NFIB: variants seen among roughly 807,000 people sequenced by gnomAD.
NFIB encodes the protein nuclear factor 1 B-type.
NFIB carries 11 observed loss-of-function variants against 61.5 expected under a neutral mutation model. The observed-to-expected ratio is 0.18, with a 90% CI of 0.11 to 0.30. NFIB has a LOEUF of 0.30. Ranked by LOEUF, NFIB falls within the 10% of genes least tolerant of loss-of-function variation. The probability of loss-of-function intolerance (pLI) is 1.00; values close to 1 mark genes in which losing one functional copy is unlikely to be tolerated. For synonymous variants in NFIB, 260 were observed against 216.5 expected (o/e 1.20, Z -1.76); for missense variants, 471 against 608.9 (o/e 0.77, Z 2.38).
At chr9:14,515,155 G>C in the NFIB span, among the ~76,000 whole-genome samples, 27 of 152,140 alleles carry the variant, frequency 1.8e-4, no homozygotes, top group African/African-American at 6.3e-4. Context: ...TAGCCAGAAG[G>C]ATAGAACTGG....
At chr9:14,410,054 AG>A in the NFIB span, among the ~76,000 whole-genome samples, 1 of 152,082 alleles carries the variant, frequency 6.6e-6, no homozygotes, top group Non-Finnish European at 1.5e-5. Flanking sequence ...CTAGGGATAT[AG>A]GGGGTGAGGG....
the NFIB span, among the ~76,000 whole-genome samples, chr9:14,432,703 A>G: frequency 6.6e-6 from 1 of 152,210 alleles, no homozygotes; most frequent in African/African-American, 2.4e-5. Flanking sequence ...GCAAGGGGTG[A>G]GGACTGGGGA....
chr9:14,203,178 T>A (rs952411364), intron 2 of NFIB, among the ~76,000 whole-genome samples: 2 of 150,620 alleles, frequency 1.3e-5, no homozygotes, highest in African/African-American at 4.9e-5. Flanking sequence ...TTTTTTTTCC[T>A]AAAGCAATTG....
chr9:14,523,499 C>T, the NFIB span, among the ~76,000 whole-genome samples: 3 of 152,010 alleles, frequency 2.0e-5, no homozygotes, highest in Admixed American at 2.0e-4. Context: ...AAAATGCCAG[C>T]CCATGCCAGA....
chr9:14,414,336 G>A, the NFIB span, among the ~76,000 whole-genome samples: 2 of 151,008 alleles, frequency 1.3e-5, no homozygotes, highest in African/African-American at 4.9e-5. Context: ...TCGGGAGGCT[G>A]AGGCAGGAGA....
chr9:14,271,659 G>C (rs950244507), intron 2 of NFIB, among the ~76,000 whole-genome samples: 2 of 152,176 alleles, frequency 1.3e-5, no homozygotes, highest in African/African-American at 4.8e-5. Flanking sequence ...AGAGGGATGA[G>C]GTGGTTGGCC....
In NFIB at chr9:14,383,929, C is replaced by T. The variant is rs532480754; in HGVS notation, c.108+14595G>A. 2.0e-5 allele frequency among the ~76,000 whole-genome samples: 3 copies of T among 152,280 alleles called. No homozygotes were observed. In the South Asian group the frequency reaches 6.2e-4, roughly 32 times the overall value. On this transcript the variant is annotated intron_variant, in intron 1 of 8. Transcript: ENST00000380934. ...CATGGAAGAGCGCTTTAAATACCATCGTGTTTCATCCAATCTCCTCACAAT... is the reference window on the plus strand; with the variant it reads ...CATGGAAGAGCGCTTTAAATACCATTGTGTTTCATCCAATCTCCTCACAAT...
chr9:14,096,771 CTT>C (rs1248145992), intron 10 of NFIB: 3 of 152,108 alleles, frequency 2.0e-5, no homozygotes, highest in Non-Finnish European at 2.9e-5. Context: ...AACTTTTTTT[CTT>C]TCTCTCAAGT....
At chr9:14,469,055 A>C in the NFIB span, among the ~76,000 whole-genome samples, 10 of 152,256 alleles carry the variant, frequency 6.6e-5, no homozygotes, top group Admixed American at 4.6e-4. Flanking sequence ...GATTCCACAC[A>C]CTTCAGGTAG....
At chr9:14,520,630 T>G in the NFIB span, among the ~76,000 whole-genome samples, 1 of 152,230 alleles carries the variant, frequency 6.6e-6, no homozygotes, top group Non-Finnish European at 1.5e-5. Flanking sequence ...GAAGCACTTC[T>G]GTGCAGATAT....
chr9:14,226,983 C>CA (rs112417105), intron 2 of NFIB, among the ~76,000 whole-genome samples: 59,431 of 150,732 alleles, frequency 0.39, 12,423 homozygotes, highest in East Asian at 0.7. Context: ...CTAATAAATA[C>CA]AAAAAAAATT....
rs2032313827 is a variant in NFIB, at chr9:14,083,280, G to A, written c.*5029C>T. On this transcript the variant is annotated 3_prime_UTR_variant, in exon 11 of 11. Coordinates refer to ENST00000380953, the MANE Select transcript of NFIB (RefSeq NM_001190737.2). ...GCTGATGCAAAGGTCATTGTGCAGGGTCAAAGGGCAAAATCAGTGGTCCAT... is the reference window on the plus strand; with the variant it reads ...GCTGATGCAAAGGTCATTGTGCAGGATCAAAGGGCAAAATCAGTGGTCCAT... 4.4e-6 allele frequency: 1 copy of A among 225,864 alleles called. No individual in the cohort carries two copies. The highest frequency in any genetic ancestry group is 8.8e-6 in the Non-Finnish European group (1 of 113,258). 14.0% of individuals were successfully genotyped at this position (225,864 alleles called of 1,614,324 possible).
intron 2 of NFIB, among the ~76,000 whole-genome samples, chr9:14,264,591 T>C (rs1482981095): frequency 6.6e-6 from 1 of 152,172 alleles, no homozygotes; most frequent in East Asian, 1.9e-4. Context: ...CAGATTACAG[T>C]AAGACAAAAC....
chr9:14,384,947 C>A (rs1331266935), intron 1 of NFIB, among the ~76,000 whole-genome samples: 1 of 152,134 alleles, frequency 6.6e-6, no homozygotes, highest in African/African-American at 2.4e-5. Flanking sequence ...TTTTACAGTA[C>A]TTCACTCTCC....
intron 1 of NFIB, among the ~76,000 whole-genome samples, chr9:14,327,618 G>T (rs1299016315): frequency 6.6e-6 from 1 of 152,112 alleles, no homozygotes; most frequent in African/African-American, 2.4e-5. Flanking sequence ...AATTTGTTTA[G>T]AAAAGAGTAG....
chr9:14,522,354 G>T, the NFIB span, among the ~76,000 whole-genome samples: 1 of 152,032 alleles, frequency 6.6e-6, no homozygotes, highest in Non-Finnish European at 1.5e-5. Context: ...TATTATGTGG[G>T]GTACCATTTA....
the NFIB span, among the ~76,000 whole-genome samples, chr9:14,525,749 T>C: frequency 6.6e-6 from 1 of 152,158 alleles, no homozygotes; most frequent in Admixed American, 6.5e-5. Flanking sequence ...ATTTAATGTA[T>C]GCAGTTCCCA....
At chr9:14,135,602 C>T (rs892923329) in intron 6 of NFIB, among the ~76,000 whole-genome samples, 1 of 152,106 alleles carries the variant, frequency 6.6e-6, no homozygotes, top group Non-Finnish European at 1.5e-5. Flanking sequence ...TGTAATCCCA[C>T]TACAGTAGTT....
intron 1 of NFIB, among the ~76,000 whole-genome samples, chr9:14,323,632 A>G (rs2060711736): frequency 6.6e-6 from 1 of 152,186 alleles, no homozygotes; most frequent in Admixed American, 6.5e-5. Context: ...GAATTATGTG[A>G]TTACCAGTGA....
Sources: gnomAD v4.1 joint callset for allele counts (sites outside exome capture counted in the v4.1 genomes callset) on GRCh38, gnomAD v4.1.1 for gene constraint, MANE v1.5 for transcripts, NCBI Gene and HGNC (gene_info 2026-07-23, HGNC 2026-07-21) for gene names.